TP53BP1: variants seen among roughly 807,000 people sequenced by gnomAD.
The protein encoded by TP53BP1 is TP53-binding protein 1.
Under a neutral mutation model 200.8 loss-of-function variants are expected in TP53BP1, and 61 were observed. That is an observed-to-expected ratio of 0.30 (90% confidence interval 0.25 to 0.38). The LOEUF (loss-of-function observed/expected upper bound fraction) is 0.38, where lower values mean the gene tolerates loss of function less well. Ranked by LOEUF, TP53BP1 falls within the 10% of genes least tolerant of loss-of-function variation. The pLI, the probability that TP53BP1 is intolerant of heterozygous loss-of-function variation, is 1.00. For missense variants in TP53BP1, 2,144 were observed against 2,371.9 expected, an observed-to-expected ratio of 0.90 and a Z score of 2.00; for synonymous variants, 822 against 844.3, an observed-to-expected ratio of 0.97 and a Z score of 0.46.
chr15:43,425,229 C>A (rs2045499457), intron 18 of TP53BP1, among the ~76,000 whole-genome samples: 1 of 152,162 alleles, frequency 6.6e-6, no homozygotes, highest in Non-Finnish European at 1.5e-5. Flanking sequence ...ACTAAGAGAG[C>A]GTTTCATGTT....
rs1389993996 is a variant in TP53BP1, at chr15:43,404,390, C to T, written c.*2993G>A. ...GAGTTGGTGAGCTGAAGTGGAATGA[C>T]AGCTGAGTCCTTCTCTCTGCAGGGC... On this transcript the variant is annotated 3_prime_UTR_variant, in exon 28 of 28. Coordinates refer to ENST00000382044, the MANE Select transcript of TP53BP1 (RefSeq NM_001141980.3). 7 of 1,613,472 alleles carry T rather than the reference C, an allele frequency of 4.3e-6. No individual in the cohort carries two copies. The African/African-American group carries it at 9.3e-5, about 22-fold the overall frequency.
rs530953269 is a variant in TP53BP1 at position 43,484,763 on chromosome 15, T to G, written c.372-3741A>C. 1.1e-4 allele frequency among the ~76,000 whole-genome samples: 17 copies of G among 151,980 alleles called. No individual in the cohort carries two copies. The Middle Eastern group carries it at 0.01, about 91-fold the overall frequency. ...CACACTTACTTGTTTTTTGTTTTTTTTTTTTAAGATATGGTCTCACTCTGT... is the reference window on the plus strand; with the variant it reads ...CACACTTACTTGTTTTTTGTTTTTTGTTTTTAAGATATGGTCTCACTCTGT... On this transcript the variant is annotated intron_variant, in intron 4 of 27. Coordinates refer to ENST00000382044, the MANE Select transcript of TP53BP1 (RefSeq NM_001141980.3).
intron 23 of TP53BP1, among the ~76,000 whole-genome samples, chr15:43,414,985 G>T (rs1033782137): frequency 6.6e-6 from 1 of 152,100 alleles, no homozygotes; most frequent in South Asian, 2.1e-4. Context: ...TGGGACTACA[G>T]GTGTGAGCCA....
At chr15:43,496,321 T>A (rs1595634504), upstream of TP53BP1, among the ~76,000 whole-genome samples, 1 of 152,234 alleles carries the variant, frequency 6.6e-6, no homozygotes, top group Non-Finnish European at 1.5e-5. Flanking sequence ...TAGATAGATG[T>A]CATTAAGTTG....
In TP53BP1 at chr15:43,405,568, A is replaced by G. The variant is rs2044841363; in HGVS notation, c.*1815T>C. 7 of 244,812 alleles carry G rather than the reference A, an allele frequency of 2.9e-5. No individual in the cohort carries two copies. Among genetic ancestry groups the G allele is most frequent in the Admixed American group, 2.0e-4 (4 of 19,644 alleles). 15.2% of individuals were successfully genotyped at this position (244,812 alleles called of 1,614,324 possible). Reference sequence around the variant, plus strand: ...GCGGTAAACAAACAATATAGAGCAGAAAGTTAAATATTTTATGGTTCATAT... The same window carrying G: ...GCGGTAAACAAACAATATAGAGCAGGAAGTTAAATATTTTATGGTTCATAT... On this transcript the variant is annotated 3_prime_UTR_variant, in exon 28 of 28. Coordinates refer to ENST00000382044, the MANE Select transcript of TP53BP1 (RefSeq NM_001141980.3).
rs2044970608 is a variant in TP53BP1 at position 43,407,950 on chromosome 15, A to G, written c.5739T>C (p.His1913=). The change falls in exon 27 of 28, where the codon CAT becomes CAC. Residue 1913 remains histidine, a synonymous_variant. Transcript: ENST00000382044. Reference sequence around the variant, plus strand: ...ACACACTCTTTCAGGTACCTTTGTTATGGGCACTTGAATGGTGCTGCTTCA... The same window carrying G: ...ACACACTCTTTCAGGTACCTTTGTTGTGGGCACTTGAATGGTGCTGCTTCA... ...ASVKQHHSSA[H]NKDIALGVFD... 1 of 1,612,478 alleles carries G rather than the reference A, an allele frequency of 6.2e-7. No homozygotes were observed. The highest frequency in any genetic ancestry group is 8.5e-7 in the Non-Finnish European group (1 of 1,179,862).
At chr15:43,490,587 T>C (rs12898231) in intron 4 of TP53BP1, among the ~76,000 whole-genome samples, 2,232 of 152,262 alleles carry the variant, frequency 0.015, 32 homozygotes, top group Non-Finnish European at 0.022. Context: ...CATTCTCCTC[T>C]CTAACCACCT....
chr15:43,482,179 A>G (rs1457821300), intron 4 of TP53BP1, among the ~76,000 whole-genome samples: 1 of 152,032 alleles, frequency 6.6e-6, no homozygotes, highest in Non-Finnish European at 1.5e-5. Flanking sequence ...CAGTGAGCCG[A>G]GATCGCGCCA....
intron 27 of TP53BP1, 34 bp downstream of exon 27, chr15:43,407,909 G>C (rs946687107): frequency 1.3e-5 from 21 of 1,593,082 alleles, no homozygotes; most frequent in Non-Finnish European, 1.5e-5. Flanking sequence ...GGAGATCCCT[G>C]GAACAAAGAC....
At chr15:43,458,561 C>CT (rs2046355629) in intron 11 of TP53BP1, among the ~76,000 whole-genome samples, 1 of 152,090 alleles carries the variant, frequency 6.6e-6, no homozygotes, top group Non-Finnish European at 1.5e-5. Context: ...GGGAAAACTG[C>CT]TTAAGCCCAG....
chr15:43,408,702 T>G, intron 26 of TP53BP1, 195 bp downstream of exon 26: 1 of 588,858 alleles, frequency 1.7e-6, no homozygotes, highest in Non-Finnish European at 3.0e-6. Flanking sequence ...CTTCACACAT[T>G]TGCAAAAGGT....
intron 16 of TP53BP1, 34 bp downstream of exon 16, chr15:43,438,290 G>A: frequency 6.3e-7 from 1 of 1,587,092 alleles, no homozygotes; most frequent in Admixed American, 1.7e-5. Flanking sequence ...GTGAACCAAT[G>A]GAGCCCAAAA....
intron 12 of TP53BP1, among the ~76,000 whole-genome samples, chr15:43,453,151 G>A (rs139393140): frequency 0.035 from 4,327 of 124,324 alleles, 105 homozygotes; most frequent in Middle Eastern, 0.12. Context: ...CCGGGATAGC[G>A]CCACTGCAGT....
chr15:43,406,487 A>ATTTG lies in TP53BP1; in HGVS notation c.*892_*895dup. ...GTTTTACTGAAACACAGCCATGCCCATTTGTTTACTCATTGTCTATGGTTG... is the reference window on the plus strand; with the variant it reads ...GTTTTACTGAAACACAGCCATGCCCATTTGTTTGTTTACTCATTGTCTATGGTTG... On this transcript the variant is annotated 3_prime_UTR_variant, in exon 28 of 28. Transcript: ENST00000382044. The ATTTG allele has an allele frequency of 2.4e-6, 1 of 410,068 alleles. No homozygotes were observed. The highest frequency in any genetic ancestry group is 1.8e-5 in the South Asian group (1 of 55,166). 25.4% of individuals were successfully genotyped at this position (410,068 alleles called of 1,614,324 possible).
At chr15:43,464,346 A>T (rs1463493069) in intron 11 of TP53BP1, among the ~76,000 whole-genome samples, 1 of 152,254 alleles carries the variant, frequency 6.6e-6, no homozygotes, top group Non-Finnish European at 1.5e-5. Context: ...TTAAAAATAT[A>T]TTCTGAAAAA....
At chr15:43,437,335 T>C (rs974385847) in intron 16 of TP53BP1, among the ~76,000 whole-genome samples, 3 of 152,218 alleles carry the variant, frequency 2.0e-5, no homozygotes, top group Non-Finnish European at 4.4e-5. Flanking sequence ...TGAGGAATTA[T>C]ATAAATTATT....
intron 17 of TP53BP1, among the ~76,000 whole-genome samples, chr15:43,431,091 T>C (rs1595545545): frequency 1.3e-5 from 2 of 152,248 alleles, no homozygotes; most frequent in Admixed American, 1.3e-4. Flanking sequence ...GGAGCATATA[T>C]AGCATATGGA....
chr15:43,409,566 C>T, intron 25 of TP53BP1, 81 bp downstream of exon 25: 2 of 718,178 alleles, frequency 2.8e-6, no homozygotes, highest in Non-Finnish European at 4.4e-6. Context: ...GGTTCCCCAA[C>T]CCCTCCCAGG....
intron 16 of TP53BP1, 77 bp downstream of exon 16, chr15:43,438,247 A>C: frequency 1.6e-6 from 2 of 1,271,218 alleles, no homozygotes; most frequent in Non-Finnish European, 2.3e-6. Context: ...ACCACAGCAC[A>C]GTACATATTA....
Sources: allele counts gnomAD v4.1 joint callset (sites outside exome capture counted in the v4.1 genomes callset), GRCh38; gene constraint gnomAD v4.1.1; transcripts MANE v1.5; gene names NCBI Gene and HGNC (gene_info 2026-07-23, HGNC 2026-07-21).